The following ATAD2B variants were observed in gnomAD, a reference collection of about 807,000 sequenced individuals.
The protein encoded by ATAD2B is ATPase family AAA domain-containing protein 2B.
Under a neutral mutation model 167.6 loss-of-function variants are expected in ATAD2B, and 40 were observed. The ratio of observed to expected loss-of-function variants is 0.24; its 90% CI spans 0.19 to 0.31. The LOEUF (loss-of-function observed/expected upper bound fraction) is 0.31. ATAD2B is among the 10% of genes least tolerant of loss of function. ATAD2B has a pLI of 1.00. For missense variants in ATAD2B, 1,242 were observed against 1,757.2 expected, an observed-to-expected ratio of 0.71 and a Z score of 5.24; for synonymous variants, 579 against 596.5, an observed-to-expected ratio of 0.97 and a Z score of 0.43.
chr2:23,875,806 T>A (rs367938662), intron 8 of ATAD2B, 23 bp downstream of exon 8: 6 of 1,525,438 alleles, frequency 3.9e-6, no homozygotes, highest in Non-Finnish European at 4.5e-6. Flanking sequence ...ATGCAAATGT[T>A]TCCTTTCAAA....
chr2:23,808,570 C>G (rs886722487), intron 18 of ATAD2B, among the ~76,000 whole-genome samples: 3 of 152,020 alleles, frequency 2.0e-5, no homozygotes, highest in African/African-American at 7.2e-5. Context: ...TAAGAGAAAA[C>G]TATCATTTTA....
chr2:23,852,085 C>T (rs2675358), intron 13 of ATAD2B, among the ~76,000 whole-genome samples: 5,849 of 152,242 alleles, frequency 0.038, 108 homozygotes, highest in South Asian at 0.046. Flanking sequence ...AACTACCAAA[C>T]TAACAAAACT....
chr2:23,883,196 C>T (rs1326685996), intron 6 of ATAD2B, among the ~76,000 whole-genome samples: 1 of 149,274 alleles, frequency 6.7e-6, no homozygotes, highest in Non-Finnish European at 1.5e-5. Context: ...GGGAGGATCG[C>T]TTGAGCCTGG....
At chr2:23,706,477 A>C in the ATAD2B span, 3 of 1,492,506 alleles carry the variant, frequency 2.0e-6, no homozygotes, top group Non-Finnish European at 2.7e-6. Context: ...CTTTCCCCCA[A>C]CAGTGCTGTG....
At chr2:23,826,620 G>A (rs1264003006) in intron 15 of ATAD2B, among the ~76,000 whole-genome samples, 1 of 151,958 alleles carries the variant, frequency 6.6e-6, no homozygotes, top group Admixed American at 6.6e-5. Context: ...CTAGAAACAA[G>A]GTCATAACAA....
chr2:23,718,809 G>A, the ATAD2B span, among the ~76,000 whole-genome samples: 8 of 152,272 alleles, frequency 5.3e-5, no homozygotes, highest in East Asian at 3.9e-4. Context: ...TCCAGAGGCC[G>A]CGTGTACTTC....
In ATAD2B at chr2:23,828,953, C is replaced by T; in HGVS notation, c.1729-14G>A. The T allele has an allele frequency of 4.6e-6, 7 of 1,524,024 alleles. No homozygotes were observed. The highest frequency in any genetic ancestry group is 6.3e-6 in the Non-Finnish European group (7 of 1,104,740). 94.4% of individuals were successfully genotyped at this position (1,524,024 alleles called of 1,614,324 possible). A position where few individuals can be genotyped will look rare whatever the true frequency, so the allele number is the denominator to read the frequency against. On this transcript the variant is annotated splice_polypyrimidine_tract_variant and intron_variant, in intron 14 of 27. Coordinates refer to ENST00000238789, the MANE Select transcript of ATAD2B (RefSeq NM_017552.4). Reference sequence around the variant, plus strand: ...GTGTTTTCTTGCCTAAGATGAAAAGCACAGATACATAAAATCTTGCCCAAG... The same window carrying T: ...GTGTTTTCTTGCCTAAGATGAAAAGTACAGATACATAAAATCTTGCCCAAG...
chr2:23,744,547 A>G (rs187018417), downstream of ATAD2B, among the ~76,000 whole-genome samples: 47 of 152,334 alleles, frequency 3.1e-4, 1 homozygote, highest in Admixed American at 2.8e-3. Context: ...AGTGCTTTAC[A>G]TATATTCACT....
chr2:23,790,578 A>C (rs1296886862), intron 19 of ATAD2B, among the ~76,000 whole-genome samples: 2 of 152,180 alleles, frequency 1.3e-5, no homozygotes, highest in Non-Finnish European at 1.5e-5. Context: ...ACATTTTATA[A>C]GTGGGATAAA....
chr2:23,834,137 C>T (rs141709070), intron 13 of ATAD2B, 59 bp from the exon 14 acceptor site: 110 of 325,388 alleles, frequency 3.4e-4, no homozygotes, highest in Non-Finnish European at 5.0e-4. Flanking sequence ...CTTACAATAA[C>T]GTTTATCAGT....
chr2:23,926,630 C>G lies in ATAD2B; in HGVS notation c.141G>C (p.Lys47Asn), dbSNP rs1385746254. The G allele has an allele frequency of 6.4e-7, 1 of 1,564,036 alleles. No homozygotes were observed. ...HFISSRTRSSKTRAASCPAAK... is the reference protein window; with the variant it reads ...HFISSRTRSSNTRAASCPAAK... ...CGGCGGGGCAGCTGGCGGCGCGGGTCTTGGAGGAGCGGGTCCGAGAGGAGA... is the reference window on the plus strand; with the variant it reads ...CGGCGGGGCAGCTGGCGGCGCGGGTGTTGGAGGAGCGGGTCCGAGAGGAGA... Residue 47 changes from lysine (K) to asparagine (N), a missense_variant, in exon 1 of 28, where the codon AAG becomes AAC. Physicochemically the swap from Lys to Asn is moderately conservative, Grantham distance 94. Coordinates refer to ENST00000238789, the MANE Select transcript of ATAD2B (RefSeq NM_017552.4).
chr2:23,790,503 C>T (rs1217274353), intron 19 of ATAD2B, among the ~76,000 whole-genome samples: 1 of 152,104 alleles, frequency 6.6e-6, no homozygotes, highest in Non-Finnish European at 1.5e-5. Context: ...AAAAGCATAC[C>T]AAGAACAGGC....
chr2:23,810,179 C>G, intron 18 of ATAD2B, 137 bp downstream of exon 18: 2 of 726,612 alleles, frequency 2.8e-6, no homozygotes, highest in East Asian at 5.5e-5. Flanking sequence ...TACTAGAATG[C>G]TAATGAATAA....
the ATAD2B span, among the ~76,000 whole-genome samples, chr2:23,726,178 C>T: frequency 4.6e-5 from 7 of 152,114 alleles, no homozygotes; most frequent in Non-Finnish European, 1.0e-4. Flanking sequence ...GGAAGCAACC[C>T]GAGTGTCCAT....
chr2:23,744,654 A>G (rs1327616718), downstream of ATAD2B, among the ~76,000 whole-genome samples: 1 of 152,180 alleles, frequency 6.6e-6, no homozygotes, highest in Non-Finnish European at 1.5e-5. Flanking sequence ...GGGTGAAATA[A>G]TTTGTCACAT....
chr2:23,783,414 T>C (rs1440050276), intron 21 of ATAD2B, among the ~76,000 whole-genome samples: 1 of 152,012 alleles, frequency 6.6e-6, no homozygotes, highest in Non-Finnish European at 1.5e-5. Flanking sequence ...AGACTTTTCA[T>C]ACTATGAGAT....
the ATAD2B span, chr2:23,691,293 GGCAGGGCCGGGCTGGGAT>G: frequency 3.7e-6 from 1 of 272,232 alleles, no homozygotes; most frequent in Non-Finnish European, 7.1e-6. Flanking sequence ...ACCCAAGGCA[GGCAGGGCCGGGCTGGGAT>G]GCGTCGGCCT....
intron 1 of ATAD2B, among the ~76,000 whole-genome samples, chr2:23,923,414 G>A (rs947537635): frequency 1.3e-5 from 2 of 152,130 alleles, no homozygotes; most frequent in Non-Finnish European, 2.9e-5. Flanking sequence ...ATATAGCATA[G>A]TGCCTACATC....
At chr2:23,730,285 T>C in the ATAD2B span, among the ~76,000 whole-genome samples, 1 of 152,100 alleles carries the variant, frequency 6.6e-6, no homozygotes, top group Non-Finnish European at 1.5e-5. Context: ...ATTTAAAAAT[T>C]AAACAATACA....
Sources: allele counts gnomAD v4.1 joint callset (sites outside exome capture counted in the v4.1 genomes callset), GRCh38; gene constraint gnomAD v4.1.1; transcripts MANE v1.5; gene names NCBI Gene and HGNC (gene_info 2026-07-23, HGNC 2026-07-21).